SUPT3H: variants seen among roughly 807,000 people sequenced by gnomAD.
The protein encoded by SUPT3H is transcription initiation protein SPT3 homolog.
In SUPT3H, 44 loss-of-function variants were observed where a neutral mutation model predicts 44.3. The observed-to-expected ratio is 0.99, with a 90% CI of 0.78 to 1.28. SUPT3H has a LOEUF of 1.28. Ranked by LOEUF, SUPT3H falls within the 50% of genes most tolerant of loss-of-function variation. The pLI, the probability that SUPT3H is intolerant of heterozygous loss-of-function variation, is 0.00. For missense variants in SUPT3H, 380 were observed against 387.1 expected, an observed-to-expected ratio of 0.98 and a Z score of 0.15; for synonymous variants, 124 against 125.6, an observed-to-expected ratio of 0.99 and a Z score of 0.09.
intron 2 of SUPT3H, among the ~76,000 whole-genome samples, chr6:45,232,128 C>A (rs917183416): frequency 6.6e-6 from 1 of 152,158 alleles, no homozygotes; most frequent in African/African-American, 2.4e-5. Flanking sequence ...CTATTTCATA[C>A]TTCCTGTGTC....
chr6:45,062,750 C>G (rs7764131), intron 3 of SUPT3H, among the ~76,000 whole-genome samples: 56,072 of 146,920 alleles, frequency 0.38, 10,926 homozygotes, highest in Non-Finnish European at 0.44. Context: ...GCGCTTTTCA[C>G]ACCGGCTTAA....
At chr6:45,329,572 G>C (rs140855655) in intron 2 of SUPT3H, among the ~76,000 whole-genome samples, 2 of 151,822 alleles carry the variant, frequency 1.3e-5, no homozygotes, top group Non-Finnish European at 2.9e-5. Flanking sequence ...ACACTGAAAC[G>C]TCTAAGATTC....
chr6:45,280,527 G>C (rs199561548), intron 2 of SUPT3H, among the ~76,000 whole-genome samples: 2 of 151,954 alleles, frequency 1.3e-5, no homozygotes, highest in East Asian at 1.9e-4. Flanking sequence ...CTTAGGTATA[G>C]ATACAGAACC....
chr6:45,117,173 T>C (rs1249727255), intron 2 of SUPT3H, among the ~76,000 whole-genome samples: 2 of 152,082 alleles, frequency 1.3e-5, no homozygotes, highest in African/African-American at 2.4e-5. Context: ...CCTCTAAGTG[T>C]TGAACAAGTC....
chr6:44,967,065 A>T (rs1776877513), intron 6 of SUPT3H, among the ~76,000 whole-genome samples: 1 of 152,236 alleles, frequency 6.6e-6, no homozygotes, highest in African/African-American at 2.4e-5. Context: ...AATATGCAAC[A>T]TACTTAGAGG....
chr6:45,047,570 A>G (rs1354757020), intron 3 of SUPT3H, among the ~76,000 whole-genome samples: 1 of 152,202 alleles, frequency 6.6e-6, no homozygotes, highest in African/African-American at 2.4e-5. Context: ...AGCTATAGAA[A>G]GAAGGTTTTT....
rs1275971645 is a variant in SUPT3H, at chr6:45,231,758, A to C, written c.102-125752T>G. Among the ~76,000 whole-genome samples, 4 of 152,318 alleles carry C rather than the reference A, an allele frequency of 2.6e-5. No individual in the cohort carries two copies. In the East Asian group the frequency reaches 7.7e-4, roughly 29 times the overall value. On this transcript the variant is annotated intron_variant, in intron 2 of 10. Coordinates refer to ENST00000371459, the MANE Select transcript of SUPT3H (RefSeq NM_003599.4). ...TACATTTGATCACTATGTGGTGTCC[A>C]TATATCATGAACACTTTGTTCATCC...
intron 6 of SUPT3H, among the ~76,000 whole-genome samples, chr6:44,998,871 T>C (rs1412841978): frequency 1.3e-5 from 2 of 152,014 alleles, no homozygotes; most frequent in Non-Finnish European, 2.9e-5. Context: ...AATTTAATAA[T>C]GAAAGACTTA....
At chr6:45,290,563 A>T (rs1780155500) in intron 2 of SUPT3H, among the ~76,000 whole-genome samples, 1 of 152,092 alleles carries the variant, frequency 6.6e-6, no homozygotes, top group Non-Finnish European at 1.5e-5. Flanking sequence ...TACTCCTTTA[A>T]ACATCAACAA....
chr6:45,227,266 T>C (rs938233124), intron 2 of SUPT3H, among the ~76,000 whole-genome samples: 27 of 151,888 alleles, frequency 1.8e-4, no homozygotes, highest in African/African-American at 6.0e-4. Context: ...ATTAAAATAA[T>C]TATGAAAAAT....
At chr6:44,930,324 T>C (rs1770363687) in intron 10 of SUPT3H, among the ~76,000 whole-genome samples, 2 of 150,404 alleles carry the variant, frequency 1.3e-5, no homozygotes, top group South Asian at 2.1e-4. Context: ...GAGCTTGCAG[T>C]GAGCCGAGTT....
At chr6:44,949,600 C>T (rs1322958872) in intron 9 of SUPT3H, among the ~76,000 whole-genome samples, 1 of 113,742 alleles carries the variant, frequency 8.8e-6, no homozygotes, top group African/African-American at 2.8e-5. Flanking sequence ...AAAAGTCAGC[C>T]CCTTTGCCTG....
chr6:45,094,120 C>G (rs907295128), intron 3 of SUPT3H, among the ~76,000 whole-genome samples: 4 of 152,064 alleles, frequency 2.6e-5, no homozygotes, highest in Non-Finnish European at 5.9e-5. Flanking sequence ...AAGTTTGCAT[C>G]TCTCTGGTAA....
intron 2 of SUPT3H, among the ~76,000 whole-genome samples, chr6:45,229,185 G>A (rs1333902523): frequency 6.6e-6 from 1 of 151,718 alleles, no homozygotes; most frequent in African/African-American, 2.4e-5. Context: ...TACTGGTTTG[G>A]GTTTTTTAAT....
chr6:44,820,148 G>A (rs576215728), intron 11 of SUPT3H, among the ~76,000 whole-genome samples: 2 of 152,176 alleles, frequency 1.3e-5, no homozygotes, highest in South Asian at 4.1e-4. Flanking sequence ...GAGCCCAGGA[G>A]GCAGGGGTTG....
chr6:45,223,654 T>C (rs371866367), intron 2 of SUPT3H, among the ~76,000 whole-genome samples: 1 of 151,930 alleles, frequency 6.6e-6, no homozygotes, highest in South Asian at 2.1e-4. Flanking sequence ...ACAGATAAAC[T>C]AAAGCTAAGT....
At chr6:45,125,840 A>AAG (rs3054759) in intron 2 of SUPT3H, among the ~76,000 whole-genome samples, 1 of 151,750 alleles carries the variant, frequency 6.6e-6, no homozygotes, top group East Asian at 1.9e-4. Context: ...AAAAAAAAAA[A>AAG]TCTTTCTGGT....
chr6:44,847,354 C>T (rs571744232), intron 10 of SUPT3H, among the ~76,000 whole-genome samples: 2 of 152,314 alleles, frequency 1.3e-5, no homozygotes, highest in African/African-American at 4.8e-5. Context: ...ATATTTACTA[C>T]AGGGAACAAG....
chr6:44,899,724 G>C (rs1044572620), intron 10 of SUPT3H, among the ~76,000 whole-genome samples: 1 of 152,010 alleles, frequency 6.6e-6, no homozygotes, highest in Non-Finnish European at 1.5e-5. Context: ...ATTTCACAAG[G>C]GTTCCCACTC....
Sources: gnomAD v4.1 joint callset for allele counts (sites outside exome capture counted in the v4.1 genomes callset) on GRCh38, gnomAD v4.1.1 for gene constraint, MANE v1.5 for transcripts, NCBI Gene and HGNC (gene_info 2026-07-23, HGNC 2026-07-21) for gene names.